Variants in RPSA2 observed in about 807,000 individuals in gnomAD.
RPSA2 encodes ribosomal protein SA 2.
the RPSA2 span, among the ~76,000 whole-genome samples, chr19:23,806,557 G>A: frequency 0.42 from 64,014 of 151,690 alleles, 14,391 homozygotes; most frequent in Non-Finnish European, 0.52. Context: ...AGACTGAGGT[G>A]GATGGATCAT....
At chr19:23,765,500 A>G in the RPSA2 span, among the ~76,000 whole-genome samples, 4 of 152,206 alleles carry the variant, frequency 2.6e-5, no homozygotes, top group African/African-American at 9.6e-5. Flanking sequence ...ATGTGGATGG[A>G]ACTGTAAGCC....
the RPSA2 span, among the ~76,000 whole-genome samples, chr19:23,804,099 A>G: frequency 6.6e-6 from 1 of 151,982 alleles, no homozygotes; most frequent in South Asian, 2.1e-4. Context: ...TTGCATTAGT[A>G]CATGTGTACA....
At chr19:23,792,276 A>C in the RPSA2 span, among the ~76,000 whole-genome samples, 5 of 152,180 alleles carry the variant, frequency 3.3e-5, no homozygotes, top group African/African-American at 1.2e-4. Context: ...TTGAGCCTGC[A>C]AAAGGAGGTT....
At chr19:23,761,934 T>TCTCTCTCTCTCTCTCTCTCTCTCTCTCTC in the RPSA2 span, among the ~76,000 whole-genome samples, 1 of 129,896 alleles carries the variant, frequency 7.7e-6, no homozygotes, top group African/African-American at 3.4e-5. Context: ...TTTTTTTTTT[T>TCTCTCTCTCTCTCTCTCTCTCTCTCTCTC]TGAGATGGAG....
At chr19:23,815,478 G>GTC in the RPSA2 span, among the ~76,000 whole-genome samples, 1 of 152,096 alleles carries the variant, frequency 6.6e-6, no homozygotes, top group Non-Finnish European at 1.5e-5. Context: ...TACTTGCTCT[G>GTC]TCTGTTATTA....
chr19:23,799,953 C>T, the RPSA2 span, among the ~76,000 whole-genome samples: 6 of 151,692 alleles, frequency 4.0e-5, no homozygotes, highest in Non-Finnish European at 8.8e-5. Context: ...TATGTCTTTT[C>T]GATCTCTTAA....
the RPSA2 span, among the ~76,000 whole-genome samples, chr19:23,868,360 G>GCA: frequency 3.9e-5 from 6 of 152,262 alleles, no homozygotes; most frequent in Admixed American, 2.0e-4. Context: ...CTCATATGGA[G>GCA]ATTTCTAAAC....
chr19:23,762,737 T>C, the RPSA2 span, among the ~76,000 whole-genome samples: 5 of 151,622 alleles, frequency 3.3e-5, no homozygotes, highest in South Asian at 8.3e-4. Context: ...TAAGATGCAT[T>C]ATACAAGACC....
At chr19:23,856,698 A>G in the RPSA2 span, among the ~76,000 whole-genome samples, 2 of 152,144 alleles carry the variant, frequency 1.3e-5, no homozygotes, top group Non-Finnish European at 2.9e-5. Flanking sequence ...TCTGAGAAAT[A>G]AAGAGTACAA....
the RPSA2 span, among the ~76,000 whole-genome samples, chr19:23,820,880 T>C: frequency 6.6e-6 from 1 of 152,184 alleles, no homozygotes; most frequent in Non-Finnish European, 1.5e-5. Context: ...ACCCGGCCCA[T>C]TGGACTCCTT....
the RPSA2 span, among the ~76,000 whole-genome samples, chr19:23,771,803 T>A: frequency 6.6e-6 from 1 of 151,992 alleles, no homozygotes; most frequent in East Asian, 1.9e-4. Flanking sequence ...TGGTTTCTGT[T>A]GTACATTGTG....
At chr19:23,779,701 C>G in the RPSA2 span, among the ~76,000 whole-genome samples, 961 of 152,292 alleles carry the variant, frequency 6.3e-3, 13 homozygotes, top group African/African-American at 0.022. Flanking sequence ...GAATGGGAGA[C>G]TTTGGCCTCG....
the RPSA2 span, among the ~76,000 whole-genome samples, chr19:23,851,147 CAT>C: frequency 6.6e-6 from 1 of 152,178 alleles, no homozygotes; most frequent in Admixed American, 6.5e-5. Flanking sequence ...TCTACAGAAA[CAT>C]GTACATATGA....
the RPSA2 span, among the ~76,000 whole-genome samples, chr19:23,845,716 T>G: frequency 6.6e-6 from 1 of 152,224 alleles, no homozygotes; most frequent in Non-Finnish European, 1.5e-5. Flanking sequence ...CGTCTCAAAC[T>G]GCTGACCTCA....
At chr19:23,857,507 T>TTTA in the RPSA2 span, among the ~76,000 whole-genome samples, 3 of 128,524 alleles carry the variant, frequency 2.3e-5, no homozygotes, top group South Asian at 2.6e-4. Context: ...TTTTTTTTTT[T>TTTA]GAGATGGAGT....
the RPSA2 span, among the ~76,000 whole-genome samples, chr19:23,786,744 T>C: frequency 6.6e-6 from 1 of 152,154 alleles, no homozygotes; most frequent in Non-Finnish European, 1.5e-5. Context: ...GCCTAGCATC[T>C]AGGTGATGTG....
chr19:23,868,279 TCA>T, the RPSA2 span, among the ~76,000 whole-genome samples: 1 of 152,198 alleles, frequency 6.6e-6, no homozygotes, highest in Non-Finnish European at 1.5e-5. Flanking sequence ...CTTCTATTAA[TCA>T]GAGACATGCT....
At chr19:23,831,447 A>T in the RPSA2 span, 122 of 152,318 alleles carry the variant, frequency 8.0e-4, no homozygotes, top group African/African-American at 2.9e-3. Flanking sequence ...AGTTACATTT[A>T]TATATCTATA....
chr19:23,867,112 C>A, the RPSA2 span, among the ~76,000 whole-genome samples: 1 of 152,120 alleles, frequency 6.6e-6, no homozygotes, highest in South Asian at 2.1e-4. Context: ...TCTATTCCAA[C>A]CCTTAGCCTC....
Sources: allele counts gnomAD v4.1 joint callset (sites outside exome capture counted in the v4.1 genomes callset), GRCh38; gene constraint gnomAD v4.1.1; transcripts MANE v1.5; gene names NCBI Gene and HGNC (gene_info 2026-07-23, HGNC 2026-07-21).